The following COG5 variants were observed in gnomAD, a reference collection of about 807,000 sequenced individuals.
COG5 encodes component of oligomeric golgi complex 5, also known as conserved oligomeric Golgi complex subunit 5.
In COG5, 86 loss-of-function variants were observed where a neutral mutation model predicts 110.4. That is an observed-to-expected ratio of 0.78 (90% CI 0.65 to 0.93). The LOEUF is 0.93. Ranked by LOEUF, COG5 falls within the 40% of genes least tolerant of loss-of-function variation. The pLI, the probability that COG5 is intolerant of heterozygous loss-of-function variation, is 0.00. For synonymous variants in COG5, 360 were observed against 334.6 expected (o/e 1.08, Z -0.83); for missense variants, 1,077 against 987.0 (o/e 1.09, Z -1.22).
intron 2 of COG5, among the ~76,000 whole-genome samples, chr7:107,555,746 T>C (rs1327893575): frequency 2.0e-5 from 3 of 152,074 alleles, no homozygotes; most frequent in African/African-American, 7.2e-5. Flanking sequence ...GCACGGTGGC[T>C]CACACCTGTA....
chr7:107,301,500 A>G (rs1807265175), intron 11 of COG5, among the ~76,000 whole-genome samples: 1 of 152,234 alleles, frequency 6.6e-6, no homozygotes, highest in Non-Finnish European at 1.5e-5. Context: ...CAACCTCTTT[A>G]GTCAATAGGG....
At chr7:107,299,225 T>C (rs895356376) in intron 11 of COG5, among the ~76,000 whole-genome samples, 19 of 152,114 alleles carry the variant, frequency 1.2e-4, no homozygotes, top group African/African-American at 2.6e-4. Context: ...ACAAGAAATA[T>C]TGAAACCAAA....
At chr7:107,393,959 TTTATTA>T (rs1317759456) in intron 7 of COG5, among the ~76,000 whole-genome samples, 1 of 147,466 alleles carries the variant, frequency 6.8e-6, no homozygotes, top group Non-Finnish European at 1.5e-5. Flanking sequence ...AGAAAAGATA[TTTATTA>T]TTATTTTTTT....
chr7:107,496,287 A>G (rs1438332552), intron 6 of COG5, among the ~76,000 whole-genome samples: 1 of 152,214 alleles, frequency 6.6e-6, no homozygotes, highest in African/African-American at 2.4e-5. Context: ...AACCAAATTC[A>G]GCTGTGTATT....
chr7:107,549,978 C>A (rs1802768630), intron 3 of COG5, among the ~76,000 whole-genome samples: 1 of 152,052 alleles, frequency 6.6e-6, no homozygotes, highest in Admixed American at 6.6e-5. Context: ...ATATATCTGC[C>A]TATGTTCTCA....
At position 107,372,594 on chromosome 7, in the gene COG5, C is replaced by T; in HGVS notation, c.835+1G>A. ...AAGCTAAATATAAACCACATCCATACCTCTCACAGCTGACTGGGAAGGCTG... is the reference window on the plus strand; with the variant it reads ...AAGCTAAATATAAACCACATCCATATCTCTCACAGCTGACTGGGAAGGCTG... On this transcript the variant is annotated splice_donor_variant, in intron 8 of 21. Coordinates refer to ENST00000297135, the MANE Select transcript of COG5 (RefSeq NM_006348.5). LOFTEE classifies it high-confidence loss of function. 3 of 1,613,210 alleles carry T rather than the reference C, an allele frequency of 1.9e-6. No individual in the cohort carries two copies. Among genetic ancestry groups the T allele is most frequent in the Non-Finnish European group, 2.5e-6 (3 of 1,179,542 alleles).
At chr7:107,563,601 G>A in intron 1 of COG5, 1 of 598,532 alleles carries the variant, frequency 1.7e-6, no homozygotes, top group South Asian at 1.7e-5. Flanking sequence ...GTGTCCCCAA[G>A]ACTCCAGAAA....
At chr7:107,275,834 G>A (rs76257331) in intron 14 of COG5, among the ~76,000 whole-genome samples, 26,466 of 150,048 alleles carry the variant, frequency 0.18, 2,401 homozygotes, top group Non-Finnish European at 0.19. Flanking sequence ...AATACTTTTA[G>A]AACTTAAAAA....
intron 19 of COG5, among the ~76,000 whole-genome samples, chr7:107,222,145 G>A (rs1169425689): frequency 6.6e-6 from 1 of 152,000 alleles, no homozygotes; most frequent in Admixed American, 6.6e-5. Flanking sequence ...GTCTAAGCCA[G>A]GCCTGGTAAG....
chr7:107,396,967 A>G (rs1366073440), intron 7 of COG5, among the ~76,000 whole-genome samples: 1 of 152,220 alleles, frequency 6.6e-6, no homozygotes, highest in Non-Finnish European at 1.5e-5. Context: ...GTGCTTTACC[A>G]AAGATATTTA....
intron 6 of COG5, among the ~76,000 whole-genome samples, chr7:107,448,454 A>T (rs1795140924): frequency 6.6e-6 from 1 of 152,106 alleles, no homozygotes; most frequent in Admixed American, 6.6e-5. Flanking sequence ...CTTAGTTTCC[A>T]TCATTTCATA....
At chr7:107,502,561 G>C (rs1275105648) in intron 6 of COG5, among the ~76,000 whole-genome samples, 1 of 151,946 alleles carries the variant, frequency 6.6e-6, no homozygotes, top group Non-Finnish European at 1.5e-5. Context: ...TGGATTGAAT[G>C]GTAGATCTAC....
At chr7:107,518,486 CA>C (rs959025945) in intron 6 of COG5, among the ~76,000 whole-genome samples, 3 of 150,768 alleles carry the variant, frequency 2.0e-5, no homozygotes. Context: ...AAATGGGAAA[CA>C]AAAAAAAGCA....
chr7:107,225,345 G>A (rs900148431), intron 19 of COG5, among the ~76,000 whole-genome samples: 2 of 151,930 alleles, frequency 1.3e-5, no homozygotes, highest in Admixed American at 1.3e-4. Flanking sequence ...AACAATGCAA[G>A]AGAGATTTAA....
rs545629131 is a variant in COG5 at position 107,301,774 on chromosome 7, C to A, written c.1109-3428G>T. On this transcript the variant is annotated intron_variant, in intron 11 of 21. Coordinates refer to ENST00000297135, the MANE Select transcript of COG5 (RefSeq NM_006348.5). ...ATTCCAGCTATTTGGGAGGCTGAGG[C>A]ACGAAAATTGCTTGAATCCAGGAGG... 1.8e-3 allele frequency among the ~76,000 whole-genome samples: 269 copies of A among 152,046 alleles called. 2 individuals carry two copies. The highest frequency in any genetic ancestry group is 2.5e-3 in the Non-Finnish European group (173 of 67,976).
intron 6 of COG5, among the ~76,000 whole-genome samples, chr7:107,433,763 G>C (rs1229434395): frequency 2.6e-5 from 4 of 152,136 alleles, no homozygotes; most frequent in Admixed American, 2.0e-4. Context: ...ATTGAATCTG[G>C]CAATTTCTCA....
intron 14 of COG5, among the ~76,000 whole-genome samples, chr7:107,277,963 G>A (rs968923449): frequency 6.6e-6 from 1 of 151,932 alleles, no homozygotes; most frequent in Non-Finnish European, 1.5e-5. Flanking sequence ...CTATACCCCA[G>A]AATATTAAAA....
At chr7:107,521,246 T>G (rs1800300170) in intron 6 of COG5, among the ~76,000 whole-genome samples, 1 of 152,188 alleles carries the variant, frequency 6.6e-6, no homozygotes, top group African/African-American at 2.4e-5. Flanking sequence ...AAAGATTTCA[T>G]GATGAAAACG....
At chr7:107,243,339 CCGTCT>C (rs964993537) in intron 17 of COG5, among the ~76,000 whole-genome samples, 1 of 151,832 alleles carries the variant, frequency 6.6e-6, no homozygotes, top group Non-Finnish European at 1.5e-5. Context: ...CGGTGAAACC[CCGTCT>C]CTACTAAACA....
Sources: gnomAD v4.1 joint callset for allele counts (sites outside exome capture counted in the v4.1 genomes callset) on GRCh38, gnomAD v4.1.1 for gene constraint, MANE v1.5 for transcripts, NCBI Gene and HGNC (gene_info 2026-07-23, HGNC 2026-07-21) for gene names.